The following DNER variants were observed in gnomAD, a reference collection of about 807,000 sequenced individuals.
DNER encodes the protein delta/notch like EGF repeat containing.
A neutral mutation model predicts 78.2 loss-of-function variants in DNER; 33 were observed. The ratio of observed to expected loss-of-function variants is 0.42; its 90% CI spans 0.32 to 0.56. DNER has a LOEUF of 0.56. Ranked by LOEUF, DNER falls within the 20% of genes least tolerant of loss-of-function variation. The pLI is 0.11. For missense variants in DNER, 918 were observed against 975.3 expected, an observed-to-expected ratio of 0.94 and a Z score of 0.78; for synonymous variants, 417 against 384.8, an observed-to-expected ratio of 1.08 and a Z score of -0.98.
chr2:229,452,504 C>T (rs1008104529), intron 7 of DNER, among the ~76,000 whole-genome samples: 21 of 152,100 alleles, frequency 1.4e-4, no homozygotes, highest in Admixed American at 3.3e-4. Context: ...CCAAAAAAGA[C>T]GGCCGCCATA....
chr2:229,686,760 C>A (rs904001736), intron 1 of DNER, among the ~76,000 whole-genome samples: 6 of 152,190 alleles, frequency 3.9e-5, no homozygotes, highest in African/African-American at 1.4e-4. Flanking sequence ...AGACACGAAC[C>A]TCCTGACTGT....
intron 4 of DNER, among the ~76,000 whole-genome samples, chr2:229,576,089 A>AC (rs200975430): frequency 0.012 from 1,773 of 151,992 alleles, 53 homozygotes; most frequent in African/African-American, 0.041. Flanking sequence ...TACACTCCCT[A>AC]CCCCCACCAT....
chr2:229,639,452 G>T (rs1698579409), intron 1 of DNER, among the ~76,000 whole-genome samples: 1 of 151,958 alleles, frequency 6.6e-6, no homozygotes, highest in Non-Finnish European at 1.5e-5. Flanking sequence ...CAGGGTTTTG[G>T]CATGTTGGCC....
chr2:229,658,780 C>A (rs750547750), intron 1 of DNER, among the ~76,000 whole-genome samples: 2 of 152,110 alleles, frequency 1.3e-5, no homozygotes, highest in Non-Finnish European at 2.9e-5. Context: ...TAGATTTCGA[C>A]ATGATTTTAA....
intron 4 of DNER, among the ~76,000 whole-genome samples, chr2:229,560,050 T>C (rs1386993853): frequency 6.6e-6 from 1 of 152,218 alleles, no homozygotes; most frequent in Admixed American, 6.5e-5. Context: ...CCAGTCATTA[T>C]CTCTGGAATG....
At chr2:229,621,450 TC>T (rs1343583400) in intron 1 of DNER, among the ~76,000 whole-genome samples, 32 of 151,874 alleles carry the variant, frequency 2.1e-4, no homozygotes, top group Non-Finnish European at 4.7e-4. Flanking sequence ...TTCCCACACT[TC>T]CCACCTGCTC....
intron 9 of DNER, among the ~76,000 whole-genome samples, chr2:229,412,615 A>G (rs1693546462): frequency 6.6e-6 from 1 of 152,224 alleles, no homozygotes; most frequent in Non-Finnish European, 1.5e-5. Context: ...TCAACATTTC[A>G]GACAGTGGAT....
intron 1 of DNER, among the ~76,000 whole-genome samples, chr2:229,605,828 G>C (rs1011409297): frequency 6.6e-5 from 10 of 152,118 alleles, no homozygotes; most frequent in Non-Finnish European, 1.3e-4. Flanking sequence ...GGAGGCGGAG[G>C]TTGCAGTGAG....
chr2:229,537,645 C>G (rs1478588476), intron 5 of DNER, among the ~76,000 whole-genome samples: 1 of 152,182 alleles, frequency 6.6e-6, no homozygotes, highest in Non-Finnish European at 1.5e-5. Flanking sequence ...CCAACATTCC[C>G]CAATGCTTCT....
At chr2:229,533,779 A>T (rs1696351650) in intron 5 of DNER, among the ~76,000 whole-genome samples, 1 of 152,204 alleles carries the variant, frequency 6.6e-6, no homozygotes, top group South Asian at 2.1e-4. Flanking sequence ...TTTCTCTCAA[A>T]TGAACAAAGT....
chr2:229,407,439 G>A (rs982300514), intron 9 of DNER, 94 bp from the exon 10 acceptor site: 21 of 1,080,854 alleles, frequency 1.9e-5, no homozygotes, highest in South Asian at 5.7e-5. Context: ...GGAACAATGC[G>A]AGGGAGATTC....
intron 6 of DNER, among the ~76,000 whole-genome samples, chr2:229,503,925 G>C (rs74202774): frequency 0.1 from 15,345 of 152,028 alleles, 1,536 homozygotes; most frequent in African/African-American, 0.25. Context: ...AGGTTTTTTT[G>C]TAGAGATGGA....
At chr2:229,451,527 T>C (rs1429296435) in intron 7 of DNER, among the ~76,000 whole-genome samples, 1 of 152,222 alleles carries the variant, frequency 6.6e-6, no homozygotes, top group Non-Finnish European at 1.5e-5. Context: ...TTGCATCACC[T>C]GGTTCTAACC....
rs2106343972 is a variant in DNER, at chr2:229,407,244, G to T, written c.1711C>A (p.Pro571Thr). The T allele has an allele frequency of 6.2e-7, 1 of 1,611,804 alleles. No homozygotes were observed. Among genetic ancestry groups the T allele is most frequent in the East Asian group, 2.2e-5 (1 of 44,798 alleles). The change falls in exon 10 of 13, where the codon CCC becomes ACC. Residue 571 changes from proline to threonine, a missense_variant. Physicochemically the swap from Pro to Thr is conservative, Grantham distance 38 (BLOSUM62 -1). Transcript: ENST00000341772. ...TGGAATCACTTGCCTGTAAACCCGG[G>T]TGCACAGATGCACGTGCCATTCAGG... ...DGLNGTCICA[P>T]GFTGEECDID...
At chr2:229,645,705 ATGGAACAG>A (rs2154216135) in intron 1 of DNER, among the ~76,000 whole-genome samples, 1 of 152,322 alleles carries the variant, frequency 6.6e-6, no homozygotes, top group Admixed American at 6.5e-5. Flanking sequence ...ATCTGGCCTG[ATGGAACAG>A]TTTTACTTTG....
At chr2:229,448,023 A>G (rs955822316) in intron 7 of DNER, among the ~76,000 whole-genome samples, 2 of 152,186 alleles carry the variant, frequency 1.3e-5, no homozygotes, top group African/African-American at 4.8e-5. Flanking sequence ...CAAATAGTAA[A>G]CAATGAAAAA....
At chr2:229,521,701 G>A (rs1396679240) in intron 5 of DNER, among the ~76,000 whole-genome samples, 2 of 152,050 alleles carry the variant, frequency 1.3e-5, no homozygotes, top group East Asian at 1.9e-4. Flanking sequence ...TAAAATTTAA[G>A]AGACTACCTG....
chr2:229,619,777 AC>A (rs1203756825), intron 1 of DNER, among the ~76,000 whole-genome samples: 6 of 152,350 alleles, frequency 3.9e-5, no homozygotes, highest in Admixed American at 6.5e-5. Flanking sequence ...AGGAGCTGGT[AC>A]TATATTTTAA....
chr2:229,549,279 G>C (rs1696684439), intron 4 of DNER, among the ~76,000 whole-genome samples: 1 of 152,066 alleles, frequency 6.6e-6, no homozygotes, highest in Non-Finnish European at 1.5e-5. Context: ...ATTCGATCTT[G>C]TGTACAAAAA....
Sources: allele counts gnomAD v4.1 joint callset (sites outside exome capture counted in the v4.1 genomes callset), GRCh38; gene constraint gnomAD v4.1.1; transcripts MANE v1.5; gene names NCBI Gene and HGNC (gene_info 2026-07-23, HGNC 2026-07-21).